Variants in CTSH observed in about 807,000 individuals in gnomAD.
CTSH encodes the protein pro-cathepsin H.
In CTSH, 52 loss-of-function variants were observed where a neutral mutation model predicts 56.3. That is an observed-to-expected ratio of 0.92 (90% CI 0.74 to 1.16). CTSH has a LOEUF of 1.16. Among genes scored for constraint, CTSH ranks in the 50% most tolerant of loss-of-function variants. The pLI, the probability that CTSH is intolerant of heterozygous loss-of-function variation, is 0.00. For synonymous variants in CTSH, 174 were observed against 155.7 expected (o/e 1.12, Z -0.88); for missense variants, 406 against 424.5 (o/e 0.96, Z 0.38).
At chr15:78,934,756 C>T in intron 5 of CTSH, 1 of 628,430 alleles carries the variant, frequency 1.6e-6, no homozygotes, top group Non-Finnish European at 2.9e-6. Flanking sequence ...AGGGAGTAAA[C>T]TTTAGCCCAA....
rs1335912960 is a variant in CTSH, at chr15:78,925,345, G to GCCC, written c.794_795insGGG (p.Gly265dup). The stretch of plus-strand genomic sequence containing the variant: ...GGACCCTGACTCACCTGGAGTAGAT[G>GCCC]CCGGTTCTATACATCATGAAGTCCT... On this transcript the variant is annotated inframe_insertion, in exon 10 of 12. Coordinates refer to ENST00000220166, the MANE Select transcript of CTSH (RefSeq NM_004390.5). 6.2e-7 allele frequency: 1 copy of GCCC among 1,609,586 alleles called. No homozygotes were observed. The highest frequency in any genetic ancestry group is 1.3e-5 in the African/African-American group (1 of 74,830).
intron 5 of CTSH, among the ~76,000 whole-genome samples, chr15:78,933,895 C>T (rs546200498): frequency 2.0e-5 from 3 of 152,362 alleles, no homozygotes; most frequent in Non-Finnish European, 2.9e-5. Context: ...GGAAGCACCT[C>T]ATTCCGCTCC....
Position 78,922,151 on chromosome 15 carries a change from G to A in CTSH, c.987C>T (p.Ser329=), listed in dbSNP as rs374155645. 4.6e-5 allele frequency: 72 copies of A among 1,578,066 alleles called. No individual in the cohort carries two copies. In the African/African-American group the frequency reaches 9.0e-4, roughly 20 times the overall value. The change falls in exon 12 of 12, where the codon TCC becomes TCT. Residue 329 remains serine (S), a synonymous_variant. Transcript: ENST00000220166. ...CGGCTCACACCAGAGGGATGGGGTA[G>A]GAGGCGCAGGCAGCCAGGCCACACA... ...KNMCGLAACA[S]YPIPLV is the part of the protein sequence containing the mutation.
At chr15:78,935,810 CAAGAAA>C in intron 3 of CTSH, 60 bp from the exon 4 acceptor site, 1 of 1,286,028 alleles carries the variant, frequency 7.8e-7, no homozygotes, top group Non-Finnish European at 1.1e-6. Flanking sequence ...AATGAAGAAA[CAAGAAA>C]AAGTGATGAA....
At chr15:78,938,917 C>G (rs1384780245) in intron 2 of CTSH, among the ~76,000 whole-genome samples, 1 of 152,126 alleles carries the variant, frequency 6.6e-6, no homozygotes, top group Non-Finnish European at 1.5e-5. Flanking sequence ...AATCCCAGGG[C>G]TTGGAAGGCT....
chr15:78,944,826 A>C, intron 1 of CTSH, 65 bp downstream of exon 1: 1 of 1,488,642 alleles, frequency 6.7e-7, no homozygotes, highest in Non-Finnish European at 9.0e-7. Flanking sequence ...GCCCCTGGCC[A>C]AGTTCTCCCA....
chr15:78,930,387 T>C (rs979507875), intron 7 of CTSH, among the ~76,000 whole-genome samples: 84 of 152,016 alleles, frequency 5.5e-4, no homozygotes, highest in African/African-American at 1.6e-3. Flanking sequence ...ATTAGCCAGG[T>C]GTGGTGGCGC....
chr15:78,939,175 T>C lies in CTSH; in HGVS notation c.92-4A>G. 6.7e-7 allele frequency: 1 copy of C among 1,489,252 alleles called. No homozygotes were observed. The highest frequency in any genetic ancestry group is 9.2e-7 in the Non-Finnish European group (1 of 1,092,016). 92.3% of individuals were successfully genotyped at this position (1,489,252 alleles called of 1,614,324 possible). A position where few individuals can be genotyped will look rare whatever the true frequency, so the allele number is the denominator to read the frequency against. ...CATGACTTGAAGTGAAACTTCTCTGTAAAAAGAAAAAAAAAATTAGGTCTG... is the reference window on the plus strand; with the variant it reads ...CATGACTTGAAGTGAAACTTCTCTGCAAAAAGAAAAAAAAAATTAGGTCTG... On this transcript the variant is annotated splice_polypyrimidine_tract_variant and splice_region_variant and intron_variant, in intron 1 of 11. Transcript: ENST00000220166.
intron 4 of CTSH, 38 bp from the exon 5 acceptor site, chr15:78,935,120 C>G: frequency 7.2e-7 from 1 of 1,389,928 alleles, no homozygotes; most frequent in Non-Finnish European, 1.0e-6. Context: ...GGAAAATAAA[C>G]AAAACCAAAA....
intron 8 of CTSH, 98 bp from the exon 9 acceptor site, chr15:78,927,879 G>T: frequency 1.1e-6 from 1 of 951,714 alleles, no homozygotes; most frequent in Non-Finnish European, 1.7e-6. Context: ...AACAAGATGT[G>T]CCAGGGCCTG....
intron 5 of CTSH, among the ~76,000 whole-genome samples, chr15:78,934,416 G>A (rs1318983521): frequency 1.2e-4 from 18 of 152,218 alleles, no homozygotes; most frequent in Admixed American, 1.2e-3. Flanking sequence ...GACTCTCTGG[G>A]ACAGGGCCTG....
In CTSH at chr15:78,925,324, C is replaced by A; in HGVS notation, c.806+10G>T. 1 of 1,574,904 alleles carries A rather than the reference C, an allele frequency of 6.3e-7. No individual in the cohort carries two copies. Among genetic ancestry groups the A allele is most frequent in the South Asian group, 1.1e-5 (1 of 90,184 alleles). On this transcript the variant is annotated intron_variant, in intron 10 of 11. Transcript: ENST00000220166. ...CACTGTCCCTCCTGGCTCCTGGGAC[C>A]CTGACTCACCTGGAGTAGATGCCGG...
chr15:78,944,835 C>T (rs1379474465), intron 1 of CTSH, 56 bp downstream of exon 1: 2 of 1,506,134 alleles, frequency 1.3e-6, no homozygotes, highest in Non-Finnish European at 1.8e-6. Context: ...CAAGTTCTCC[C>T]AGCGTCCACT....
chr15:78,944,623 T>C, intron 1 of CTSH: 1 of 411,120 alleles, frequency 2.4e-6, no homozygotes, highest in East Asian at 4.1e-5. Context: ...GCTCCTTTGG[T>C]ATTCTAGGCT....
chr15:78,929,758 C>A (rs1008972772), intron 7 of CTSH, among the ~76,000 whole-genome samples: 2 of 152,180 alleles, frequency 1.3e-5, no homozygotes, highest in Non-Finnish European at 2.9e-5. Flanking sequence ...CAGGAGTGCA[C>A]AGCCCCACAC....
chr15:78,936,424 G>A (rs937053241), intron 3 of CTSH, among the ~76,000 whole-genome samples: 1 of 151,240 alleles, frequency 6.6e-6, no homozygotes, highest in Non-Finnish European at 1.5e-5. Context: ...CTGTCTTTAG[G>A]GATTATAGGT....
intron 6 of CTSH, 199 bp downstream of exon 6, chr15:78,932,167 TGGGCCG>T (rs1486186324): frequency 1.1e-5 from 10 of 952,132 alleles, no homozygotes; most frequent in South Asian, 5.5e-5. Flanking sequence ...AATGAGCCCT[TGGGCCG>T]GTTCCTTAAT....
chr15:78,922,874 G>GGGCTT (rs2054802553), intron 11 of CTSH, 119 bp downstream of exon 11: 1 of 1,280,778 alleles, frequency 7.8e-7, no homozygotes, highest in South Asian at 1.5e-5. Context: ...GCCTGGCCTA[G>GGGCTT]GGCTTGGCTG....
chr15:78,944,921 C>T lies in CTSH; in HGVS notation c.61G>A (p.Gly21Ser), dbSNP rs530176717. The change falls in exon 1 of 12, where the codon GGT (glycine) becomes AGT (serine). Residue 21 changes from glycine (G) to serine (S), a missense_variant. Transcript: ENST00000220166. ...GAGTTCACGCACAGTTCGGCGGCAC[C>T]GCAGACGGGGACTCCCAGGAGCCAG... ...GAWLLGVPVCGAAELCVNSLE... is the reference protein window; with the variant it reads ...GAWLLGVPVCSAAELCVNSLE... 10 of 1,548,628 alleles carry T rather than the reference C, an allele frequency of 6.5e-6. No individual in the cohort carries two copies. In the East Asian group the frequency reaches 2.0e-4, roughly 30 times the overall value.
Sources: allele counts gnomAD v4.1 joint callset (sites outside exome capture counted in the v4.1 genomes callset), GRCh38; gene constraint gnomAD v4.1.1; transcripts MANE v1.5; gene names NCBI Gene and HGNC (gene_info 2026-07-23, HGNC 2026-07-21).